The following APBB2 variants were observed in gnomAD, a reference collection of about 807,000 sequenced individuals.
The protein encoded by APBB2 is Fe65-like 1.
Under a neutral mutation model 82.5 loss-of-function variants are expected in APBB2, and 38 were observed. The observed-to-expected ratio is 0.46, with a 90% CI of 0.36 to 0.60. The LOEUF (loss-of-function observed/expected upper bound fraction) is 0.60, where lower values mean the gene tolerates loss of function less well. Among genes scored for constraint, APBB2 ranks in the 20% least tolerant of loss-of-function variants. The pLI, the probability that APBB2 is intolerant of heterozygous loss-of-function variation, is 0.00. For missense variants in APBB2, 772 were observed against 972.3 expected (o/e 0.79, Z 2.74); for synonymous variants, 341 against 368.2 (o/e 0.93, Z 0.85).
intron 5 of APBB2, among the ~76,000 whole-genome samples, chr4:41,030,558 C>T (rs757979249): frequency 3.3e-5 from 5 of 152,138 alleles, no homozygotes; most frequent in Non-Finnish European, 5.9e-5. Context: ...CACCACTACA[C>T]CTAGCTCTCT....
intron 12 of APBB2, among the ~76,000 whole-genome samples, chr4:40,846,017 T>TGG (rs1757498665): frequency 4.4e-3 from 5 of 1,134 alleles, no homozygotes; most frequent in African/African-American, 0.017. Context: ...GTGAGTGGGG[T>TGG]GTGTGTGTGT....
intron 3 of APBB2, among the ~76,000 whole-genome samples, chr4:41,100,124 G>T (rs1465526062): frequency 6.6e-6 from 1 of 152,080 alleles, no homozygotes; most frequent in Non-Finnish European, 1.5e-5. Flanking sequence ...AAAACTGGGA[G>T]GTGCATCAAT....
At chr4:40,856,987 GCAAA>G in intron 12 of APBB2, 2 of 985,536 alleles carry the variant, frequency 2.0e-6, no homozygotes, top group Non-Finnish European at 2.4e-6. Context: ...GAACGCACCT[GCAAA>G]CAAAGGAGAG....
intron 5 of APBB2, among the ~76,000 whole-genome samples, chr4:41,023,884 G>A (rs1712814045): frequency 6.6e-6 from 1 of 152,090 alleles, no homozygotes; most frequent in African/African-American, 2.4e-5. Context: ...GCAAGCCCAA[G>A]CAAAAAGAAC....
chr4:40,877,671 C>A (rs1385438522), intron 12 of APBB2, among the ~76,000 whole-genome samples: 1 of 152,122 alleles, frequency 6.6e-6, no homozygotes, highest in Non-Finnish European at 1.5e-5. Flanking sequence ...TGGGACAGAC[C>A]TGGTTTTAGG....
chr4:41,182,618 T>C (rs1291561656), intron 1 of APBB2, among the ~76,000 whole-genome samples: 1 of 152,230 alleles, frequency 6.6e-6, no homozygotes, highest in East Asian at 1.9e-4. Flanking sequence ...AAGAACTGCC[T>C]GAGACTGGGT....
Position 40,982,300 on chromosome 4 carries a change from AGG to A in APBB2, c.835+31281_835+31282del, listed in dbSNP as rs1491276683. 9.2e-3 allele frequency among the ~76,000 whole-genome samples: 448 copies of A among 48,824 alleles called. 110 individuals are homozygous for A. The highest frequency in any genetic ancestry group is 0.031 in the Middle Eastern group (4 of 128). The allele number at this position is 48,824 out of a possible 152,430, so 32.0% of individuals were successfully genotyped here. A position where few individuals can be genotyped will look rare whatever the true frequency, so the allele number is the denominator to read the frequency against. Reference sequence around the variant, plus strand: ...AAAGAAAGAAGGAAGGAAGGAAGGAAGGAAGGAAAGAAAGAAAGAAAGAAAAG... The same window carrying A: ...AAAGAAAGAAGGAAGGAAGGAAGGAAAAGGAAAGAAAGAAAGAAAGAAAAG... On this transcript the variant is annotated intron_variant, in intron 6 of 17. Coordinates refer to ENST00000508593, the MANE Select transcript of APBB2 (RefSeq NM_004307.2).
intron 3 of APBB2, among the ~76,000 whole-genome samples, chr4:41,085,288 C>A (rs1028175471): frequency 3.3e-5 from 5 of 150,402 alleles, no homozygotes; most frequent in African/African-American, 1.2e-4. Context: ...CTGCCTATGG[C>A]ACATAATCTC....
intron 12 of APBB2, among the ~76,000 whole-genome samples, chr4:40,852,856 GTCTTAA>G (rs1759922608): frequency 1.3e-5 from 2 of 152,122 alleles, no homozygotes; most frequent in Admixed American, 1.3e-4. Context: ...GCCCAGGCTG[GTCTTAA>G]ACTCCTAGCC....
At chr4:40,909,615 C>T (rs550239881) in intron 10 of APBB2, among the ~76,000 whole-genome samples, 9 of 152,042 alleles carry the variant, frequency 5.9e-5, no homozygotes, top group Non-Finnish European at 1.0e-4. Context: ...TGGGTTCAAC[C>T]GAGAGACGTA....
intron 6 of APBB2, among the ~76,000 whole-genome samples, chr4:40,983,025 T>A (rs1019493731): frequency 1.6e-4 from 24 of 152,202 alleles, no homozygotes; most frequent in Admixed American, 5.9e-4. Context: ...ACCCATTACC[T>A]AGATTTGGGG....
intron 10 of APBB2, among the ~76,000 whole-genome samples, chr4:40,895,019 A>T (rs1381615874): frequency 6.6e-6 from 1 of 152,196 alleles, no homozygotes; most frequent in Non-Finnish European, 1.5e-5. Context: ...CTCAAAGAAC[A>T]GCTTGTAAAG....
intron 1 of APBB2, among the ~76,000 whole-genome samples, chr4:41,199,264 T>G (rs1400101039): frequency 1.3e-5 from 2 of 152,168 alleles, no homozygotes; most frequent in Admixed American, 1.3e-4. Context: ...AATGCAAGAT[T>G]TGCCAGTTCT....
chr4:40,830,673 C>A, intron 12 of APBB2, 96 bp from the exon 13 acceptor site: 1 of 696,230 alleles, frequency 1.4e-6, no homozygotes, highest in Non-Finnish European at 2.6e-6. Flanking sequence ...GCCAGCGTGT[C>A]AATGGTAAAC....
chr4:41,073,369 G>A (rs1040711519), intron 3 of APBB2, among the ~76,000 whole-genome samples: 3 of 151,934 alleles, frequency 2.0e-5, no homozygotes, highest in Non-Finnish European at 4.4e-5. Flanking sequence ...CATCTTTGTG[G>A]ATCTTATTTT....
intron 6 of APBB2, among the ~76,000 whole-genome samples, chr4:40,948,382 GA>G (rs1789034191): frequency 6.6e-6 from 1 of 152,086 alleles, no homozygotes; most frequent in Non-Finnish European, 1.5e-5. Context: ...CCAGGAGTTC[GA>G]GACACAGCGA....
intron 2 of APBB2, among the ~76,000 whole-genome samples, chr4:41,124,507 G>T (rs1217377364): frequency 1.3e-5 from 2 of 152,086 alleles, no homozygotes; most frequent in African/African-American, 2.4e-5. Flanking sequence ...ACCGCGCCTG[G>T]CCTCTTCAAG....
chr4:40,945,462 C>T (rs940634188), intron 6 of APBB2, among the ~76,000 whole-genome samples: 1 of 150,032 alleles, frequency 6.7e-6, no homozygotes, highest in Non-Finnish European at 1.5e-5. Flanking sequence ...TATTGGTTGG[C>T]ATCATGTCAT....
rs764531544 is a variant in APBB2, at chr4:40,811,192, TTTC to T, written c.*4897_*4899del. On this transcript the variant is annotated 3_prime_UTR_variant, in exon 18 of 18. Coordinates refer to ENST00000508593, the MANE Select transcript of APBB2 (RefSeq NM_004307.2). Reference sequence around the variant, plus strand: ...AACCATTCATTAATTACACTGCAGTTTTCTTCTTTGAGAATCTTCTATGAAGGA... The same window carrying T: ...AACCATTCATTAATTACACTGCAGTTTTCTTTGAGAATCTTCTATGAAGGA... 1 of 152,210 alleles carries T rather than the reference TTTC, an allele frequency of 6.6e-6. No homozygotes were observed. The highest frequency in any genetic ancestry group is 1.5e-5 in the Non-Finnish European group (1 of 68,034). 9.4% of individuals were successfully genotyped at this position (152,210 alleles called of 1,614,324 possible). A position where few individuals can be genotyped will look rare whatever the true frequency, so the allele number is the denominator to read the frequency against.
Sources: allele counts gnomAD v4.1 joint callset (sites outside exome capture counted in the v4.1 genomes callset), GRCh38; gene constraint gnomAD v4.1.1; transcripts MANE v1.5; gene names NCBI Gene and HGNC (gene_info 2026-07-23, HGNC 2026-07-21).